The following RIT2 variants were observed in gnomAD, a reference collection of about 807,000 sequenced individuals.
RIT2 encodes the protein Ras like without CAAX 2, also known as GTP-binding protein Rit2.
RIT2 carries 24 observed loss-of-function variants against 23.7 expected under a neutral mutation model. That is an observed-to-expected ratio of 1.01 (90% CI 0.73 to 1.43). RIT2 has a LOEUF of 1.43. RIT2 is among the 40% of genes most tolerant of loss of function. The pLI, the probability that RIT2 is intolerant of heterozygous loss-of-function variation, is 0.00. For synonymous variants in RIT2, 107 were observed against 91.1 expected (o/e 1.17, Z -0.99); for missense variants, 236 against 266.9 (o/e 0.88, Z 0.81).
rs888854511 is a variant in RIT2 at position 43,032,650 on chromosome 18, A to G, written c.160+1161T>C. Among the ~76,000 whole-genome samples, 6 of 151,340 alleles carry G rather than the reference A, an allele frequency of 4.0e-5. No individual in the cohort carries two copies. In the Admixed American group the frequency reaches 4.0e-4, roughly 10 times the overall value. ...TCTTTCTCTTTAGAAACAAACCTCA[A>G]CTTGTTGAGGAAGTCCTTTCCAGTT... On this transcript the variant is annotated intron_variant, in intron 2 of 4. Transcript: ENST00000326695.
intron 1 of RIT2, 34 bp downstream of exon 1, chr18:43,115,383 C>T (rs781558508): frequency 1.2e-6 from 2 of 1,611,004 alleles, no homozygotes; most frequent in Non-Finnish European, 1.7e-6. Flanking sequence ...CTATAGAGGT[C>T]CCTCCTTCCC....
intron 1 of RIT2, 79 bp downstream of exon 1, chr18:43,115,338 C>T: frequency 6.5e-7 from 1 of 1,546,360 alleles, no homozygotes; most frequent in Non-Finnish European, 8.8e-7. Context: ...ACAGCATCAG[C>T]AATATCATTT....
chr18:43,066,002 C>T (rs1213967245), intron 1 of RIT2, among the ~76,000 whole-genome samples: 1 of 152,076 alleles, frequency 6.6e-6, no homozygotes, highest in East Asian at 1.9e-4. Context: ...TTTATGACAA[C>T]AAATTTTAAT....
chr18:42,803,133 C>T (rs11874133), intron 4 of RIT2, among the ~76,000 whole-genome samples: 46 of 152,098 alleles, frequency 3.0e-4, no homozygotes, highest in Non-Finnish European at 2.2e-4. Flanking sequence ...ACATCTACTA[C>T]GATAAAACAA....
chr18:42,829,117 A>G (rs934761126), intron 4 of RIT2, among the ~76,000 whole-genome samples: 1 of 152,102 alleles, frequency 6.6e-6, no homozygotes, highest in Non-Finnish European at 1.5e-5. Context: ...AAATAAGTAT[A>G]TTACAGATGG....
rs1247501326 is a variant in RIT2, at chr18:43,065,019, C to A, written c.104-31152G>T. On this transcript the variant is annotated intron_variant, in intron 1 of 4. Transcript: ENST00000326695. Reference sequence around the variant, plus strand: ...TTTTTTAGTAGAGACAGGGTTTCAGCATGTTGGCCAGGCTGGTCTCAAACT... The same window carrying A: ...TTTTTTAGTAGAGACAGGGTTTCAGAATGTTGGCCAGGCTGGTCTCAAACT... Among the ~76,000 whole-genome samples the A allele has an allele frequency of 2.0e-5, 3 of 151,708 alleles. No individual in the cohort carries two copies. The East Asian group carries it at 5.8e-4, about 30-fold the overall frequency.
chr18:43,095,549 T>C (rs767582142), intron 1 of RIT2, among the ~76,000 whole-genome samples: 2 of 151,970 alleles, frequency 1.3e-5, no homozygotes, highest in Non-Finnish European at 2.9e-5. Context: ...GTACACAAAA[T>C]AAATTTAAAA....
At chr18:42,801,045 T>TA (rs760814453) in intron 4 of RIT2, among the ~76,000 whole-genome samples, 9 of 151,976 alleles carry the variant, frequency 5.9e-5, no homozygotes, top group Non-Finnish European at 1.2e-4. Flanking sequence ...GTAGAAACAA[T>TA]AAAAAAAGCA....
intron 4 of RIT2, among the ~76,000 whole-genome samples, chr18:42,799,450 C>T (rs1905464193): frequency 6.6e-6 from 1 of 152,218 alleles, no homozygotes; most frequent in African/African-American, 2.4e-5. Context: ...CTCCACTGCT[C>T]TTCCCATAGC....
intron 4 of RIT2, among the ~76,000 whole-genome samples, chr18:42,911,554 T>C (rs1379688678): frequency 2.6e-5 from 4 of 152,074 alleles, no homozygotes; most frequent in African/African-American, 9.6e-5. Flanking sequence ...ATAGCAACCA[T>C]TTTACCATAT....
intron 3 of RIT2, among the ~76,000 whole-genome samples, chr18:42,968,959 T>C (rs1386152883): frequency 1.4e-4 from 21 of 152,170 alleles, no homozygotes; most frequent in Admixed American, 1.3e-3. Context: ...AAGGATAATA[T>C]ATGAATTTGA....
Position 42,937,983 on chromosome 18 carries a change from G to A in RIT2, c.235-14220C>T, listed in dbSNP as rs559917876. ...ACTGAGGACTCCAGTGGCTGTGGGG[G>A]ATTACTTTGAGCTAAGGAAACTTCA... On this transcript the variant is annotated intron_variant, in intron 3 of 4. Transcript: ENST00000326695. Among the ~76,000 whole-genome samples, 6 of 152,224 alleles carry A rather than the reference G, an allele frequency of 3.9e-5. No homozygotes were observed. In the South Asian group the frequency reaches 8.3e-4, roughly 21 times the overall value.
intron 4 of RIT2, among the ~76,000 whole-genome samples, chr18:42,872,707 T>G (rs2144065814): frequency 6.6e-6 from 1 of 152,340 alleles, no homozygotes; most frequent in East Asian, 1.9e-4. Context: ...TTAAAAGCAC[T>G]TTTATTTTTA....
At chr18:42,784,039 C>T (rs1913871322) in intron 4 of RIT2, among the ~76,000 whole-genome samples, 1 of 152,024 alleles carries the variant, frequency 6.6e-6, no homozygotes, top group Non-Finnish European at 1.5e-5. Context: ...AATGGCAAAA[C>T]CATGCTTTCC....
At chr18:43,105,871 G>A (rs192781751) in intron 1 of RIT2, among the ~76,000 whole-genome samples, 1 of 152,280 alleles carries the variant, frequency 6.6e-6, no homozygotes, top group East Asian at 1.9e-4. Flanking sequence ...CAAACCCCCA[G>A]TTCACATTAT....
rs1226796817 is a variant in RIT2, at chr18:43,105,132, TTGTG to T, written c.103+10281_103+10284del. ...TGTGTGTGTGTGTGTGTGTGTGTGT[TTGTG>T]TGTGTGTGTGTGTGTTTGTGTGTGG... On this transcript the variant is annotated intron_variant, in intron 1 of 4. Transcript: ENST00000326695. 7.9e-4 allele frequency among the ~76,000 whole-genome samples: 69 copies of T among 87,860 alleles called. 1 individual carries two copies. Among genetic ancestry groups the T allele is most frequent in the Admixed American group, 6.3e-3 (48 of 7,658 alleles). 57.6% of individuals were successfully genotyped at this position (87,860 alleles called of 152,430 possible).
chr18:42,986,590 C>T (rs533863038), intron 2 of RIT2, among the ~76,000 whole-genome samples: 1 of 152,196 alleles, frequency 6.6e-6, no homozygotes, highest in South Asian at 2.1e-4. Context: ...CAACCTCCGC[C>T]TCCTGGGTTC....
intron 4 of RIT2, among the ~76,000 whole-genome samples, chr18:42,795,313 G>C (rs936148681): frequency 2.2e-4 from 33 of 152,348 alleles, no homozygotes; most frequent in Middle Eastern, 3.4e-3. Flanking sequence ...TTCCGGGTGG[G>C]CGTGGGCTTG....
At chr18:43,004,038 C>T (rs546037369) in intron 2 of RIT2, among the ~76,000 whole-genome samples, 3 of 151,800 alleles carry the variant, frequency 2.0e-5, no homozygotes, top group South Asian at 2.1e-4. Flanking sequence ...TTTTTCCCCC[C>T]GCCAGGTGGC....
Sources: gnomAD v4.1 joint callset for allele counts (sites outside exome capture counted in the v4.1 genomes callset) on GRCh38, gnomAD v4.1.1 for gene constraint, MANE v1.5 for transcripts, NCBI Gene and HGNC (gene_info 2026-07-23, HGNC 2026-07-21) for gene names.